Variants in PRR11 observed in about 807,000 individuals in gnomAD.
PRR11 encodes the protein proline rich 11, also known as proline-rich protein 11.
Under a neutral mutation model 45.6 loss-of-function variants are expected in PRR11, and 30 were observed. The ratio of observed to expected loss-of-function variants is 0.66; its 90% CI spans 0.49 to 0.89. PRR11 has a LOEUF of 0.89. Among genes scored for constraint, PRR11 ranks in the 40% least tolerant of loss-of-function variants. PRR11 has a pLI of 0.00. For missense variants in PRR11, 373 were observed against 424.8 expected (o/e 0.88, Z 1.07); for synonymous variants, 128 against 153.5 (o/e 0.83, Z 1.23).
At chr17:59,175,108 C>T in intron 2 of PRR11, 1 of 568,472 alleles carries the variant, frequency 1.8e-6, no homozygotes, top group South Asian at 1.6e-5. Context: ...TTGTCCTCCT[C>T]CATGTCATTG....
Position 59,203,224 on chromosome 17 carries a change from GTTTGT to G in PRR11, c.*1608_*1612del, listed in dbSNP as rs781137659. On this transcript the variant is annotated 3_prime_UTR_variant, in exon 10 of 10. Coordinates refer to ENST00000262293, the MANE Select transcript of PRR11 (RefSeq NM_018304.4). ...TATAGAGATTTTTGTTTGTTTGTTT[GTTTGT>G]TTTGTTTTGTTTTGAGATGAAGTCT... 3.2e-4 allele frequency among the ~76,000 whole-genome samples: 48 copies of G among 151,990 alleles called. No individual in the cohort carries two copies. Among genetic ancestry groups the G allele is most frequent in the Admixed American group, 5.9e-4 (9 of 15,266 alleles).
intron 9 of PRR11, among the ~76,000 whole-genome samples, chr17:59,199,852 T>C (rs534228490): frequency 3.7e-4 from 56 of 152,338 alleles, no homozygotes; most frequent in African/African-American, 1.3e-3. Flanking sequence ...GTAGTGGAGA[T>C]GTGACCAGGT....
chr17:59,188,399 C>A (rs949153883), intron 4 of PRR11, among the ~76,000 whole-genome samples: 1 of 152,214 alleles, frequency 6.6e-6, no homozygotes, highest in African/African-American at 2.4e-5. Context: ...AAATATATAT[C>A]TTTTGATGCA....
At chr17:59,189,975 A>T (rs1422684865) in intron 4 of PRR11, among the ~76,000 whole-genome samples, 1 of 144,378 alleles carries the variant, frequency 6.9e-6, no homozygotes, top group Non-Finnish European at 1.5e-5. Flanking sequence ...CCCTGTCTCT[A>T]AAAAAAAAAA....
intron 1 of PRR11, among the ~76,000 whole-genome samples, chr17:59,165,073 T>A (rs190060137): frequency 1.1e-3 from 166 of 152,216 alleles, no homozygotes; most frequent in Middle Eastern, 3.4e-3. Flanking sequence ...CACGCTAGAG[T>A]GCAGTGGCTC....
chr17:59,192,665 C>T (rs1453380414), intron 4 of PRR11, among the ~76,000 whole-genome samples: 1 of 152,092 alleles, frequency 6.6e-6, no homozygotes, highest in Non-Finnish European at 1.5e-5. Flanking sequence ...CTCTGCATGT[C>T]CAATTTCCTC....
rs186095290 is a variant in PRR11, at chr17:59,167,681, G to C, written c.-5-2067G>C. Among the ~76,000 whole-genome samples, 479 of 152,174 alleles carry C rather than the reference G, an allele frequency of 3.1e-3. 1 individual carries two copies. The highest frequency in any genetic ancestry group is 5.2e-3 in the Non-Finnish European group (356 of 68,002). On this transcript the variant is annotated intron_variant, in intron 1 of 9. Coordinates refer to ENST00000262293, the MANE Select transcript of PRR11 (RefSeq NM_018304.4). ...AGGGTGGGGATTTCCCAGAACTGAG[G>C]GTTCCTTCCCTTTTTAGACTATATA... is the stretch of plus-strand genomic sequence containing the variant.
Position 59,203,851 on chromosome 17 carries a change from A to T in PRR11, c.*2220A>T, listed in dbSNP as rs1475737725. Reference sequence around the variant, plus strand: ...CCCTGTCTCAAAAAAAAAAAAAAAAAATTAAATGGGTAGTGACGTTAAGAG... The same window carrying T: ...CCCTGTCTCAAAAAAAAAAAAAAAATATTAAATGGGTAGTGACGTTAAGAG... On this transcript the variant is annotated 3_prime_UTR_variant, in exon 10 of 10. Transcript: ENST00000262293. 4 of 151,624 alleles carry T rather than the reference A, an allele frequency of 2.6e-5. No individual in the cohort carries two copies. The highest frequency in any genetic ancestry group is 5.9e-5 in the Non-Finnish European group (4 of 67,926). 9.4% of individuals were successfully genotyped at this position (151,624 alleles called of 1,614,324 possible). A position where few individuals can be genotyped will look rare whatever the true frequency, so the allele number is the denominator to read the frequency against.
rs746689988 is a variant in PRR11 at position 59,185,142 on chromosome 17, A to T, written c.217A>T (p.Ile73Leu). Residue 73 changes from isoleucine to leucine, a missense_variant, in exon 3 of 10, where the codon ATA becomes TTA. Physicochemically the swap from Ile to Leu is conservative, Grantham distance 5 (BLOSUM62 2). Transcript: ENST00000262293. The stretch of plus-strand genomic sequence containing the variant: ...CAATTTTCCTAACATCAGAGATGCA[A>T]TAAAACTTTGGACAAATAGAGTATG... Reference protein sequence around the residue: ...NFNFPNIRDAIKLWTNRVWSI... With the variant: ...NFNFPNIRDALKLWTNRVWSI... 3 of 1,614,100 alleles carry T rather than the reference A, an allele frequency of 1.9e-6. No individual in the cohort carries two copies. The highest frequency in any genetic ancestry group is 2.5e-6 in the Non-Finnish European group (3 of 1,179,968).
At chr17:59,181,006 T>C (rs1429800888) in intron 2 of PRR11, among the ~76,000 whole-genome samples, 1 of 151,574 alleles carries the variant, frequency 6.6e-6, no homozygotes, top group Non-Finnish European at 1.5e-5. Flanking sequence ...TTTTGTTTTT[T>C]TGAGACAGAG....
At chr17:59,174,423 G>T (rs1038957747) in intron 2 of PRR11, among the ~76,000 whole-genome samples, 1 of 152,080 alleles carries the variant, frequency 6.6e-6, no homozygotes, top group South Asian at 2.1e-4. Flanking sequence ...CTGAACCCTC[G>T]ACCCAAATCG....
chr17:59,167,111 C>T (rs574352959), intron 1 of PRR11, among the ~76,000 whole-genome samples: 1 of 152,244 alleles, frequency 6.6e-6, no homozygotes, highest in Admixed American at 6.5e-5. Context: ...TTGCAGTGAG[C>T]CAAGATCGCG....
At chr17:59,168,370 A>G (rs1041539860) in intron 1 of PRR11, among the ~76,000 whole-genome samples, 14 of 152,056 alleles carry the variant, frequency 9.2e-5, no homozygotes, top group African/African-American at 3.1e-4. Flanking sequence ...GGGTTTTGCC[A>G]TGTTGGCCAG....
At position 59,169,862 on chromosome 17, in the gene PRR11, C is replaced by T; in HGVS notation, c.110C>T (p.Pro37Leu). 2.5e-6 allele frequency: 4 copies of T among 1,604,740 alleles called. No individual in the cohort carries two copies. Among genetic ancestry groups the T allele is most frequent in the Non-Finnish European group, 3.4e-6 (4 of 1,177,148 alleles). ...FQSKLITPPPPPPSPERVGIS... is the reference protein window; with the variant it reads ...FQSKLITPPPLPPSPERVGIS... ...TCCAAGCTAATTACACCTCCTCCTC[C>T]ACCACCCTCACCAGAAAGGTAAGGC... The change falls in exon 2 of 10, where the codon CCA (proline) becomes CTA (leucine). Residue 37 changes from proline to leucine, a missense_variant. Coordinates refer to ENST00000262293, the MANE Select transcript of PRR11 (RefSeq NM_018304.4).
intron 7 of PRR11, among the ~76,000 whole-genome samples, chr17:59,197,168 A>G (rs1023028419): frequency 6.6e-6 from 1 of 152,054 alleles, no homozygotes; most frequent in Admixed American, 6.6e-5. Context: ...TTTTTAATGT[A>G]ACACATAGAA....
At chr17:59,168,671 C>T (rs769743767) in intron 1 of PRR11, among the ~76,000 whole-genome samples, 1 of 151,930 alleles carries the variant, frequency 6.6e-6, no homozygotes, top group African/African-American at 2.4e-5. Context: ...GCCTGGGTGA[C>T]GGAGCTAGAC....
intron 2 of PRR11, among the ~76,000 whole-genome samples, chr17:59,173,249 C>G (rs1183085525): frequency 6.6e-6 from 1 of 151,880 alleles, no homozygotes; most frequent in Admixed American, 6.6e-5. Flanking sequence ...TAAAACAGAC[C>G]AATCGGCTCT....
intron 2 of PRR11, among the ~76,000 whole-genome samples, chr17:59,177,600 G>GGCT (rs1213830882): frequency 1.3e-5 from 2 of 152,136 alleles, no homozygotes; most frequent in African/African-American, 4.8e-5. Flanking sequence ...GGAGCTTCAG[G>GGCT]GCTGCGGCCT....
At chr17:59,168,939 G>T (rs1438003777) in intron 1 of PRR11, among the ~76,000 whole-genome samples, 1 of 152,062 alleles carries the variant, frequency 6.6e-6, no homozygotes, top group Admixed American at 6.6e-5. Flanking sequence ...ATACCTTGCA[G>T]GATAGTAAGG....
Sources: gnomAD v4.1 joint callset for allele counts (sites outside exome capture counted in the v4.1 genomes callset) on GRCh38, gnomAD v4.1.1 for gene constraint, MANE v1.5 for transcripts, NCBI Gene and HGNC (gene_info 2026-07-23, HGNC 2026-07-21) for gene names.